GUCY1A2: variants seen among roughly 807,000 people sequenced by gnomAD.
GUCY1A2 encodes the protein guanylate cyclase soluble subunit alpha-2.
Under a neutral mutation model 63.5 loss-of-function variants are expected in GUCY1A2, and 27 were observed. The ratio of observed to expected loss-of-function variants is 0.43; its 90% confidence interval spans 0.31 to 0.59. The LOEUF (loss-of-function observed/expected upper bound fraction) is 0.59. GUCY1A2 is among the 20% of genes least tolerant of loss of function. The pLI is 0.11. For synonymous variants in GUCY1A2, 364 were observed against 343.5 expected (o/e 1.06, Z -0.66); for missense variants, 768 against 913.3 (o/e 0.84, Z 2.05).
chr11:106,933,834 A>G (rs533163427), intron 4 of GUCY1A2, among the ~76,000 whole-genome samples: 2 of 152,170 alleles, frequency 1.3e-5, no homozygotes, highest in South Asian at 4.1e-4. Flanking sequence ...CCACCATTCT[A>G]AGCAAACAAA....
intron 4 of GUCY1A2, among the ~76,000 whole-genome samples, chr11:106,885,549 G>C (rs1472175607): frequency 6.6e-6 from 1 of 152,102 alleles, no homozygotes; most frequent in African/African-American, 2.4e-5. Context: ...ATTATCCTCT[G>C]TTCTCGAAAA....
At chr11:106,699,793 T>C (rs995390150) in intron 7 of GUCY1A2, among the ~76,000 whole-genome samples, 3 of 152,074 alleles carry the variant, frequency 2.0e-5, no homozygotes, top group Non-Finnish European at 4.4e-5. Context: ...TTTTTTCTTT[T>C]TTTTTTGAGG....
chr11:106,864,093 A>G (rs1280672207), intron 4 of GUCY1A2, among the ~76,000 whole-genome samples: 2 of 152,006 alleles, frequency 1.3e-5, no homozygotes, highest in Non-Finnish European at 2.9e-5. Context: ...GATGGATACC[A>G]TTAGGAGAAA....
At chr11:106,854,795 G>T (rs1203951884) in intron 4 of GUCY1A2, among the ~76,000 whole-genome samples, 1 of 152,152 alleles carries the variant, frequency 6.6e-6, no homozygotes, top group Non-Finnish European at 1.5e-5. Context: ...CAGTTGTGAA[G>T]TTGGAGTGGA....
chr11:106,776,348 A>T, intron 6 of GUCY1A2, 91 bp downstream of exon 6: 1 of 1,027,878 alleles, frequency 9.7e-7, no homozygotes, highest in Non-Finnish European at 1.5e-6. Context: ...TAGATCTATA[A>T]ATTACAAAAA....
At chr11:106,883,168 G>A (rs1029712605) in intron 4 of GUCY1A2, among the ~76,000 whole-genome samples, 7 of 152,016 alleles carry the variant, frequency 4.6e-5, no homozygotes, top group African/African-American at 1.7e-4. Context: ...TCCTCTGCCC[G>A]CAATTGCATC....
At position 106,810,555 on chromosome 11, in the gene GUCY1A2, A is replaced by G. The variant is rs938234871; in HGVS notation, c.1207-77T>C. On this transcript the variant is annotated intron_variant, in intron 4 of 7. Coordinates refer to ENST00000526355, the MANE Select transcript of GUCY1A2 (RefSeq NM_000855.3). ...CAAAATTTAATATATTATCTGATGA[A>G]TAGAAAGAAAAAATGTTTTATTAGC... 5 of 1,228,384 alleles carry G rather than the reference A, an allele frequency of 4.1e-6. No individual in the cohort carries two copies. In the African/African-American group the frequency reaches 7.6e-5, roughly 19 times the overall value. 76.1% of individuals were successfully genotyped at this position (1,228,384 alleles called of 1,614,324 possible). A position where few individuals can be genotyped will look rare whatever the true frequency, so the allele number is the denominator to read the frequency against.
At chr11:106,730,566 G>T (rs1196753556) in intron 6 of GUCY1A2, among the ~76,000 whole-genome samples, 1 of 152,026 alleles carries the variant, frequency 6.6e-6, no homozygotes, top group Admixed American at 6.6e-5. Flanking sequence ...GAATAGTGCT[G>T]CAGTGAACAT....
intron 4 of GUCY1A2, among the ~76,000 whole-genome samples, chr11:106,848,170 A>G (rs1859302596): frequency 6.6e-6 from 1 of 151,706 alleles, no homozygotes; most frequent in South Asian, 2.1e-4. Flanking sequence ...GTTTCTTTTT[A>G]CATGTTGTTC....
chr11:106,851,360 T>A (rs182568744), intron 4 of GUCY1A2, among the ~76,000 whole-genome samples: 1 of 152,036 alleles, frequency 6.6e-6, no homozygotes, highest in African/African-American at 2.4e-5. Context: ...TTTAATATAA[T>A]CCCATTTACC....
intron 3 of GUCY1A2, among the ~76,000 whole-genome samples, chr11:106,971,618 A>G (rs1361869675): frequency 6.6e-6 from 1 of 152,124 alleles, no homozygotes; most frequent in Non-Finnish European, 1.5e-5. Context: ...ATGGTAATGG[A>G]GTAAAGTTGG....
At position 106,677,194 on chromosome 11, in the gene GUCY1A2, A is replaced by G. The variant is rs998155313; in HGVS notation, c.*10355T>C. 3 of 215,400 alleles carry G rather than the reference A, an allele frequency of 1.4e-5. No homozygotes were observed. Among genetic ancestry groups the G allele is most frequent in the African/African-American group, 2.3e-5 (1 of 44,310 alleles). The allele number at this position is 215,400 out of a possible 1,614,324, so 13.3% of individuals were successfully genotyped here. A position where few individuals can be genotyped will look rare whatever the true frequency, so the allele number is the denominator to read the frequency against. Reference sequence around the variant, plus strand: ...AGAGGGAGGGAAGGAAAGGAAGGAAAGGAAGGAAGGAAGGAAGATAGGAAG... The same window carrying G: ...AGAGGGAGGGAAGGAAAGGAAGGAAGGGAAGGAAGGAAGGAAGATAGGAAG... On this transcript the variant is annotated 3_prime_UTR_variant, in exon 8 of 8. Transcript: ENST00000526355.
At chr11:106,802,640 T>C (rs985846597) in intron 5 of GUCY1A2, among the ~76,000 whole-genome samples, 1 of 152,150 alleles carries the variant, frequency 6.6e-6, no homozygotes, top group Admixed American at 6.6e-5. Flanking sequence ...CTCATAGTTA[T>C]GGAGGCTGGA....
chr11:106,711,457 G>T (rs570058892), intron 6 of GUCY1A2, among the ~76,000 whole-genome samples: 18 of 152,184 alleles, frequency 1.2e-4, no homozygotes, highest in Non-Finnish European at 2.6e-4. Flanking sequence ...ACTTTTATTT[G>T]TCTTTCAATA....
chr11:106,912,072 T>C (rs1184399235), intron 4 of GUCY1A2, among the ~76,000 whole-genome samples: 2 of 151,948 alleles, frequency 1.3e-5, no homozygotes, highest in South Asian at 4.1e-4. Flanking sequence ...ACAAACTAGC[T>C]GCTAAAAGAA....
intron 6 of GUCY1A2, among the ~76,000 whole-genome samples, chr11:106,708,891 A>G (rs1403540724): frequency 6.6e-6 from 1 of 151,598 alleles, no homozygotes; most frequent in African/African-American, 2.4e-5. Context: ...TAGATTAAGT[A>G]TATGAAAAAA....
intron 1 of GUCY1A2, among the ~76,000 whole-genome samples, chr11:107,014,083 T>C (rs889914449): frequency 9.9e-6 from 1 of 100,938 alleles, no homozygotes; most frequent in Non-Finnish European, 1.9e-5. Flanking sequence ...GTTTTCCTTT[T>C]TTTTTTTTTT....
intron 1 of GUCY1A2, among the ~76,000 whole-genome samples, chr11:107,011,566 T>C (rs973103332): frequency 1.8e-4 from 26 of 145,738 alleles, no homozygotes; most frequent in Non-Finnish European, 3.6e-4. Flanking sequence ...TTATAATATA[T>C]ACACATATAT....
chr11:106,969,741 C>A (rs1185286261), intron 3 of GUCY1A2, among the ~76,000 whole-genome samples: 2 of 152,064 alleles, frequency 1.3e-5, no homozygotes, highest in Non-Finnish European at 2.9e-5. Flanking sequence ...AGAGAAAAAG[C>A]AATAATAACA....
Sources: gnomAD v4.1 joint callset for allele counts (sites outside exome capture counted in the v4.1 genomes callset) on GRCh38, gnomAD v4.1.1 for gene constraint, MANE v1.5 for transcripts, NCBI Gene and HGNC (gene_info 2026-07-23, HGNC 2026-07-21) for gene names.